The following NFAT5 variants were observed in gnomAD, a reference collection of about 807,000 sequenced individuals.
NFAT5 encodes nuclear factor of activated T cells 5.
Under a neutral mutation model 166.5 loss-of-function variants are expected in NFAT5, and 31 were observed. The observed-to-expected ratio is 0.19, with a 90% CI of 0.14 to 0.25. The LOEUF (loss-of-function observed/expected upper bound fraction) is 0.25. NFAT5 is among the 10% of genes least tolerant of loss of function. The pLI, the probability that NFAT5 is intolerant of heterozygous loss-of-function variation, is 1.00. For synonymous variants in NFAT5, 612 were observed against 639.7 expected (o/e 0.96, Z 0.65); for missense variants, 1,449 against 1,821.8 (o/e 0.80, Z 3.72).
chr16:69,577,313 A>G (rs967489972), intron 2 of NFAT5, among the ~76,000 whole-genome samples: 5 of 152,302 alleles, frequency 3.3e-5, no homozygotes, highest in Admixed American at 3.3e-4. Context: ...TATAAGCAAC[A>G]TGGGCCAGAA....
At chr16:69,571,522 A>G (rs559617328) in intron 2 of NFAT5, among the ~76,000 whole-genome samples, 5 of 152,138 alleles carry the variant, frequency 3.3e-5, no homozygotes, top group South Asian at 2.1e-4. Flanking sequence ...CTAACTCCCA[A>G]TGGTATATAC....
intron 3 of NFAT5, among the ~76,000 whole-genome samples, chr16:69,638,488 C>G (rs986335545): frequency 1.3e-5 from 2 of 151,946 alleles, no homozygotes; most frequent in Admixed American, 1.3e-4. Flanking sequence ...AATCCCAGCA[C>G]TTTGGAAGGT....
Position 69,566,448 on chromosome 16 carries a change from G to A in NFAT5, c.73+74G>A. ...ACAGGGAGACAGGGCCAGGGGAGGC[G>A]AGGGGTCCCCGTCCCGCCGGGGGCG... On this transcript the variant is annotated intron_variant, in intron 1 of 14. Coordinates refer to ENST00000349945, the MANE Select transcript of NFAT5 (RefSeq NM_138713.4). This position sits in a 1 kb window ranked among gnomAD's most constrained non-coding sequence, Gnocchi z 5.7. 3 of 1,316,054 alleles carry A rather than the reference G, an allele frequency of 2.3e-6. No individual in the cohort carries two copies. Among genetic ancestry groups the A allele is most frequent in the South Asian group, 2.5e-5 (2 of 79,312 alleles). The allele number at this position is 1,316,054 out of a possible 1,614,324, so 81.5% of individuals were successfully genotyped here.
At chr16:69,659,195 A>G (rs942700133) in intron 6 of NFAT5, among the ~76,000 whole-genome samples, 2 of 151,476 alleles carry the variant, frequency 1.3e-5, no homozygotes, top group African/African-American at 4.9e-5. Context: ...TAATCCCAGC[A>G]CTTTGGGAGG....
intron 2 of NFAT5, among the ~76,000 whole-genome samples, chr16:69,619,875 C>T (rs2034122952): frequency 2.0e-5 from 3 of 152,228 alleles, no homozygotes; most frequent in South Asian, 4.1e-4. Context: ...TTTTTTTCTT[C>T]TCTCTCACTG....
At chr16:69,638,143 C>T (rs892574917) in intron 3 of NFAT5, among the ~76,000 whole-genome samples, 14 of 152,098 alleles carry the variant, frequency 9.2e-5, no homozygotes, top group East Asian at 1.9e-4. Flanking sequence ...CGTTTGAACC[C>T]GGGAGGCGGA....
At chr16:69,610,760 G>C (rs1374401768) in intron 2 of NFAT5, among the ~76,000 whole-genome samples, 1 of 152,154 alleles carries the variant, frequency 6.6e-6, no homozygotes, top group Admixed American at 6.5e-5. Context: ...CTTTTAATGT[G>C]AATTTTAGAT....
At chr16:69,682,363 T>A (rs2037101725) in intron 10 of NFAT5, among the ~76,000 whole-genome samples, 1 of 151,472 alleles carries the variant, frequency 6.6e-6, no homozygotes, top group South Asian at 2.1e-4. Flanking sequence ...GTCCTGACAC[T>A]TCAGGAGGCC....
At chr16:69,630,479 C>G (rs2034665510) in intron 3 of NFAT5, among the ~76,000 whole-genome samples, 1 of 152,178 alleles carries the variant, frequency 6.6e-6, no homozygotes, top group African/African-American at 2.4e-5. Flanking sequence ...CCCTCCTCCT[C>G]ATTTTTAAGA....
chr16:69,589,694 G>A (rs1242703939), intron 2 of NFAT5, among the ~76,000 whole-genome samples: 1 of 152,002 alleles, frequency 6.6e-6, no homozygotes, highest in East Asian at 1.9e-4. Context: ...TATGGCTCTT[G>A]AATTCTCAAC....
chr16:69,691,357 A>G (rs1254607276), intron 12 of NFAT5, among the ~76,000 whole-genome samples: 2 of 152,068 alleles, frequency 1.3e-5, no homozygotes, highest in African/African-American at 4.8e-5. Context: ...GTCTTTTCCC[A>G]TAACTTTCTG....
At chr16:69,615,319 G>A (rs2033893987) in intron 2 of NFAT5, among the ~76,000 whole-genome samples, 1 of 152,152 alleles carries the variant, frequency 6.6e-6, no homozygotes, top group Admixed American at 6.5e-5. Context: ...GGAATTACAG[G>A]CATGAGCCAC....
intron 6 of NFAT5, among the ~76,000 whole-genome samples, chr16:69,657,782 A>G (rs1174419706): frequency 7.1e-6 from 1 of 140,190 alleles, no homozygotes; most frequent in East Asian, 2.2e-4. Context: ...AAAAAAGACA[A>G]TTATAAAAAT....
chr16:69,659,958 C>G, intron 7 of NFAT5, 59 bp downstream of exon 7: 1 of 1,352,274 alleles, frequency 7.4e-7, no homozygotes, highest in Non-Finnish European at 1.0e-6. Context: ...TTCTGTTAAT[C>G]TTTTAGACAT....
intron 2 of NFAT5, among the ~76,000 whole-genome samples, chr16:69,568,776 T>C (rs1279285040): frequency 1.3e-5 from 2 of 152,066 alleles, no homozygotes; most frequent in South Asian, 2.1e-4. Context: ...GAAAAAAAAA[T>C]CATTTTAAAT....
intron 7 of NFAT5, among the ~76,000 whole-genome samples, chr16:69,667,718 G>A (rs183159813): frequency 4.6e-5 from 7 of 151,828 alleles, no homozygotes; most frequent in East Asian, 3.9e-4. Flanking sequence ...TATGCTTTAC[G>A]TTTCATTTTG....
At chr16:69,581,419 A>G (rs2031682300) in intron 2 of NFAT5, among the ~76,000 whole-genome samples, 1 of 152,218 alleles carries the variant, frequency 6.6e-6, no homozygotes, top group African/African-American at 2.4e-5. Context: ...AAGTTTTTGT[A>G]TAGACAGATG....
intron 2 of NFAT5, among the ~76,000 whole-genome samples, chr16:69,589,235 C>G (rs1262645021): frequency 6.6e-6 from 1 of 151,806 alleles, no homozygotes; most frequent in East Asian, 1.9e-4. Flanking sequence ...CTCAGGTGAT[C>G]CACCCACTGC....
chr16:69,685,192 T>A (rs201013480), intron 11 of NFAT5: 8,471 of 81,854 alleles, frequency 0.1, 242 homozygotes, highest in Middle Eastern at 0.13. Flanking sequence ...ATATATATAT[T>A]TTTTTTTTTA....
Sources: allele counts gnomAD v4.1 joint callset (sites outside exome capture counted in the v4.1 genomes callset), GRCh38; gene constraint gnomAD v4.1.1; non-coding constraint Gnocchi (gnomAD v3.1); transcripts MANE v1.5; gene names NCBI Gene and HGNC (gene_info 2026-07-23, HGNC 2026-07-21).